The following LRRC4C variants were observed in gnomAD, a reference collection of about 807,000 sequenced individuals.
The protein encoded by LRRC4C is leucine-rich repeat-containing protein 4C.
A neutral mutation model predicts 33.6 loss-of-function variants in LRRC4C; 5 were observed. That is an observed-to-expected ratio of 0.15 (90% confidence interval 0.08 to 0.31). The LOEUF (loss-of-function observed/expected upper bound fraction) is 0.31, where lower values mean the gene tolerates loss of function less well. Ranked by LOEUF, LRRC4C falls within the 10% of genes least tolerant of loss-of-function variation. The pLI, the probability that LRRC4C is intolerant of heterozygous loss-of-function variation, is 1.00. For missense variants in LRRC4C, 560 were observed against 796.7 expected (o/e 0.70, Z 3.58); for synonymous variants, 329 against 302.0 (o/e 1.09, Z -0.93).
At chr11:40,786,771 T>C (rs1270146385) in intron 2 of LRRC4C, among the ~76,000 whole-genome samples, 1 of 152,084 alleles carries the variant, frequency 6.6e-6, no homozygotes, top group Non-Finnish European at 1.5e-5. Flanking sequence ...CCACCCCAAA[T>C]AGACACACGA....
intron 2 of LRRC4C, among the ~76,000 whole-genome samples, chr11:40,893,823 AC>A (rs1554989857): frequency 2.8e-3 from 345 of 122,612 alleles, no homozygotes; most frequent in South Asian, 0.011. Flanking sequence ...ATTATAACAC[AC>A]ACACACACAC....
chr11:41,349,023 T>C (rs987631605), intron 1 of LRRC4C, among the ~76,000 whole-genome samples: 3 of 152,176 alleles, frequency 2.0e-5, no homozygotes, highest in Non-Finnish European at 1.5e-5. Context: ...TAGACTTTCT[T>C]GGCTGCTGGA....
At chr11:40,831,687 A>C (rs571593139) in intron 2 of LRRC4C, among the ~76,000 whole-genome samples, 55 of 152,266 alleles carry the variant, frequency 3.6e-4, no homozygotes, top group African/African-American at 1.3e-3. Flanking sequence ...GAGGCCTCAC[A>C]ATCATGGCAG....
chr11:41,241,327 T>C (rs947020117), intron 1 of LRRC4C, among the ~76,000 whole-genome samples: 9 of 152,170 alleles, frequency 5.9e-5, no homozygotes, highest in African/African-American at 1.9e-4. Context: ...ACCAGGTTTT[T>C]AGAAGCAGTA....
chr11:40,817,074 G>A (rs1266983951), intron 2 of LRRC4C, among the ~76,000 whole-genome samples: 1 of 152,100 alleles, frequency 6.6e-6, no homozygotes, highest in East Asian at 1.9e-4. Context: ...TCTGTTCTAA[G>A]ACAAATTGCA....
intron 2 of LRRC4C, among the ~76,000 whole-genome samples, chr11:40,684,446 A>C (rs1591458942): frequency 6.6e-6 from 1 of 152,020 alleles, no homozygotes; most frequent in Non-Finnish European, 1.5e-5. Flanking sequence ...ACATTGAGGT[A>C]AATGCATAAA....
intron 1 of LRRC4C, among the ~76,000 whole-genome samples, chr11:41,330,553 T>G (rs1373315406): frequency 6.6e-6 from 1 of 152,088 alleles, no homozygotes; most frequent in Admixed American, 6.5e-5. Flanking sequence ...ACCCTGAATG[T>G]CTGCTCAGAT....
At chr11:41,444,406 T>C (rs1200571528) in intron 1 of LRRC4C, among the ~76,000 whole-genome samples, 1 of 152,196 alleles carries the variant, frequency 6.6e-6, no homozygotes, top group East Asian at 1.9e-4. Flanking sequence ...AGGATGTGTA[T>C]ATGTTGTATG....
intron 1 of LRRC4C, among the ~76,000 whole-genome samples, chr11:41,206,917 G>T (rs907512880): frequency 5.3e-5 from 8 of 151,988 alleles, no homozygotes; most frequent in Non-Finnish European, 1.0e-4. Flanking sequence ...TGACTCTAGA[G>T]CTTTTCCTAT....
intron 1 of LRRC4C, among the ~76,000 whole-genome samples, chr11:41,131,959 T>A (rs1338867007): frequency 6.6e-6 from 1 of 152,168 alleles, no homozygotes; most frequent in African/African-American, 2.4e-5. Context: ...ATCCAACCCT[T>A]GTTTAGTGTA....
At position 41,353,099 on chromosome 11, in the gene LRRC4C, T is replaced by C. The variant is rs116551946; in HGVS notation, c.-496+106332A>G. Among the ~76,000 whole-genome samples the C allele has an allele frequency of 4.2e-3, 640 of 151,948 alleles. 3 individuals carry two copies. Among genetic ancestry groups the C allele is most frequent in the African/African-American group, 0.013 (554 of 41,474 alleles). On this transcript the variant is annotated intron_variant, in intron 1 of 6. Transcript: ENST00000528697. ...TCAATAAAACCAAAAGTTGGTACTT[T>C]GAAAGAATAAATAAGATGGATAGGC...
At chr11:40,899,331 C>T (rs1285380773) in intron 2 of LRRC4C, among the ~76,000 whole-genome samples, 1 of 152,100 alleles carries the variant, frequency 6.6e-6, no homozygotes, top group African/African-American at 2.4e-5. Flanking sequence ...GTTGGAAGGT[C>T]CCTGGCTCTT....
intron 1 of LRRC4C, among the ~76,000 whole-genome samples, chr11:41,454,802 T>C (rs1956128216): frequency 6.6e-6 from 1 of 152,022 alleles, no homozygotes; most frequent in African/African-American, 2.4e-5. Flanking sequence ...AGATTAGTTT[T>C]GGGATTTTTA....
At chr11:40,939,110 C>A (rs377013430) in intron 1 of LRRC4C, among the ~76,000 whole-genome samples, 1 of 152,188 alleles carries the variant, frequency 6.6e-6, no homozygotes, top group African/African-American at 2.4e-5. Context: ...AAAAACTAGA[C>A]GGAAGAACAT....
At chr11:40,650,204 G>T (rs1157579028) in intron 2 of LRRC4C, among the ~76,000 whole-genome samples, 1 of 152,056 alleles carries the variant, frequency 6.6e-6, no homozygotes, top group Non-Finnish European at 1.5e-5. Flanking sequence ...TGTTGTTTTG[G>T]ACTAAACTCC....
At chr11:41,349,484 AC>A (rs1158742893) in intron 1 of LRRC4C, among the ~76,000 whole-genome samples, 1 of 152,168 alleles carries the variant, frequency 6.6e-6, no homozygotes, top group Admixed American at 6.5e-5. Context: ...AAACAAAAAA[AC>A]AACAACAAAA....
At chr11:40,936,460 C>T (rs536268682) in intron 1 of LRRC4C, among the ~76,000 whole-genome samples, 1 of 151,258 alleles carries the variant, frequency 6.6e-6, no homozygotes, top group African/African-American at 2.4e-5. Flanking sequence ...GCCTCAGCCT[C>T]CCGAGTACTG....
intron 4 of LRRC4C, among the ~76,000 whole-genome samples, chr11:40,256,965 T>C (rs551023612): frequency 4.6e-5 from 7 of 152,336 alleles, no homozygotes; most frequent in African/African-American, 1.7e-4. Context: ...GCCAATCAAC[T>C]CCTGCCAAAG....
chr11:40,114,541 G>T lies in LRRC4C; in HGVS notation c.1752C>A (p.His584Gln). 1 of 1,614,116 alleles carries T rather than the reference G, an allele frequency of 6.2e-7. No individual in the cohort carries two copies. The highest frequency in any genetic ancestry group is 8.5e-7 in the Non-Finnish European group (1 of 1,180,016). ...CATGCTCGATAGCAGGCATGGGCAG[G>T]TGGCTTTCCATGGGTGTGTCTCCCG... ...EITGDTPMESHLPMPAIEHEH... is the reference protein window; with the variant it reads ...EITGDTPMESQLPMPAIEHEH... Residue 584 changes from histidine (H) to glutamine (Q), a missense_variant, in exon 7 of 7, where the codon CAC becomes CAA. Transcript: ENST00000528697.
Sources: gnomAD v4.1 joint callset for allele counts (sites outside exome capture counted in the v4.1 genomes callset) on GRCh38, gnomAD v4.1.1 for gene constraint, MANE v1.5 for transcripts, NCBI Gene and HGNC (gene_info 2026-07-23, HGNC 2026-07-21) for gene names.